Variants in SAMD4A observed in about 807,000 individuals in gnomAD.
SAMD4A encodes protein Smaug homolog 1.
SAMD4A carries 33 observed loss-of-function variants against 81.3 expected under a neutral mutation model. The ratio of observed to expected loss-of-function variants is 0.41; its 90% confidence interval spans 0.31 to 0.54. SAMD4A has a LOEUF of 0.54. Ranked by LOEUF, SAMD4A falls within the 20% of genes least tolerant of loss-of-function variation. The pLI is 0.37. For synonymous variants in SAMD4A, 389 were observed against 382.1 expected, an observed-to-expected ratio of 1.02 and a Z score of -0.21; for missense variants, 854 against 951.1, an observed-to-expected ratio of 0.90 and a Z score of 1.34.
chr14:54,746,947 G>A (rs2037983972), intron 4 of SAMD4A, among the ~76,000 whole-genome samples: 1 of 152,242 alleles, frequency 6.6e-6, no homozygotes, highest in African/African-American at 2.4e-5. Flanking sequence ...CTCTGCAGAA[G>A]CATTAGCATT....
intron 2 of SAMD4A, among the ~76,000 whole-genome samples, chr14:54,627,562 T>G (rs2034795135): frequency 6.6e-6 from 1 of 152,202 alleles, no homozygotes. Context: ...AGGAAAACAG[T>G]GGTGTGAGAC....
At chr14:54,576,571 A>G (rs746877449) in intron 2 of SAMD4A, among the ~76,000 whole-genome samples, 1 of 152,222 alleles carries the variant, frequency 6.6e-6, no homozygotes, top group African/African-American at 2.4e-5. Context: ...AGGAACCAGC[A>G]TGGTTTTGCT....
chr14:54,696,919 T>G (rs2140707235), intron 2 of SAMD4A: 1 of 152,346 alleles, frequency 6.6e-6, no homozygotes, highest in South Asian at 2.1e-4. Context: ...TTCTTGCACT[T>G]AAGTTTTCCA....
rs368232245 is a variant in SAMD4A at position 54,760,503 on chromosome 14, T to C, written c.1510+9T>C. The C allele has an allele frequency of 7.2e-7, 1 of 1,385,014 alleles. No individual in the cohort carries two copies. The highest frequency in any genetic ancestry group is 9.3e-7 in the Non-Finnish European group (1 of 1,077,714). 85.8% of individuals were successfully genotyped at this position (1,385,014 alleles called of 1,614,324 possible). On this transcript the variant is annotated intron_variant, in intron 7 of 12. Transcript: ENST00000554335. ...ACGCGTCATGGGGAAAGGTAGAGCCTCATTCGCCCATTTCTTTTTTCTTCT... is the reference window on the plus strand; with the variant it reads ...ACGCGTCATGGGGAAAGGTAGAGCCCCATTCGCCCATTTCTTTTTTCTTCT...
chr14:54,742,360 C>G (rs1016342871), intron 4 of SAMD4A, among the ~76,000 whole-genome samples: 1 of 152,046 alleles, frequency 6.6e-6, no homozygotes, highest in Non-Finnish European at 1.5e-5. Flanking sequence ...CAGCATGGGG[C>G]CTGGTGAGTG....
intron 12 of SAMD4A, among the ~76,000 whole-genome samples, chr14:54,786,899 CTG>C (rs1208180984): frequency 1.3e-4 from 20 of 152,160 alleles, no homozygotes; most frequent in Admixed American, 8.5e-4. Flanking sequence ...TTTTTTAGTG[CTG>C]TGTTTTTTCC....
chr14:54,783,439 C>G (rs1054600667), intron 11 of SAMD4A, among the ~76,000 whole-genome samples: 1 of 152,224 alleles, frequency 6.6e-6, no homozygotes, highest in African/African-American at 2.4e-5. Flanking sequence ...CAGACACTGC[C>G]TCCTGCTCAC....
At chr14:54,649,428 A>G (rs551519088) in intron 2 of SAMD4A, among the ~76,000 whole-genome samples, 3 of 152,332 alleles carry the variant, frequency 2.0e-5, no homozygotes, top group African/African-American at 7.2e-5. Context: ...CTGCAAAGCT[A>G]TCTTTCGAAG....
chr14:54,620,355 GCAT>G (rs34908548), intron 2 of SAMD4A, among the ~76,000 whole-genome samples: 70,802 of 150,926 alleles, frequency 0.47, 17,053 homozygotes, highest in East Asian at 0.74. Context: ...CCATGTTGGA[GCAT>G]CATCATCATC....
At chr14:54,714,246 T>G (rs1309652515) in intron 3 of SAMD4A, among the ~76,000 whole-genome samples, 1 of 152,162 alleles carries the variant, frequency 6.6e-6, no homozygotes, top group Non-Finnish European at 1.5e-5. Context: ...TTTAAAGGCA[T>G]TTGCAAAAAC....
Position 54,682,274 on chromosome 14 carries a change from C to A in SAMD4A, c.197-19788C>A, listed in dbSNP as rs192874946. On this transcript the variant is annotated intron_variant, in intron 2 of 12. Coordinates refer to ENST00000554335, the MANE Select transcript of SAMD4A (RefSeq NM_015589.6). ...AGCCAGAACTTGCTCAGTTCCATGTCGGCCTCCTGTCTCTTCTGTTTGATT... is the reference window on the plus strand; with the variant it reads ...AGCCAGAACTTGCTCAGTTCCATGTAGGCCTCCTGTCTCTTCTGTTTGATT... 1.7e-4 allele frequency among the ~76,000 whole-genome samples: 26 copies of A among 152,298 alleles called. No homozygotes were observed. The East Asian group carries it at 4.6e-3, about 27-fold the overall frequency.
chr14:54,757,784 C>G (rs1262419866), intron 6 of SAMD4A, among the ~76,000 whole-genome samples: 3 of 152,158 alleles, frequency 2.0e-5, no homozygotes, highest in Non-Finnish European at 4.4e-5. Context: ...AGGTCAGTGT[C>G]CCCCACAACC....
chr14:54,634,025 C>T (rs1031664395), intron 2 of SAMD4A, among the ~76,000 whole-genome samples: 3 of 151,974 alleles, frequency 2.0e-5, no homozygotes, highest in Non-Finnish European at 4.4e-5. Flanking sequence ...CAGCTGGGTG[C>T]GGTGGCTCAC....
intron 3 of SAMD4A, among the ~76,000 whole-genome samples, chr14:54,721,626 G>C (rs1340684443): frequency 1.3e-5 from 2 of 152,198 alleles, no homozygotes; most frequent in East Asian, 3.8e-4. Context: ...GTAAGGGGCT[G>C]CCTGAAGATC....
At chr14:54,723,103 G>GAA (rs5808793) in intron 3 of SAMD4A, among the ~76,000 whole-genome samples, 2 of 150,498 alleles carry the variant, frequency 1.3e-5, no homozygotes, top group African/African-American at 4.9e-5. Context: ...TTTTTAAATA[G>GAA]AAAAAAAAAA....
intron 2 of SAMD4A, among the ~76,000 whole-genome samples, chr14:54,606,614 A>T (rs1002584184): frequency 6.6e-6 from 1 of 152,188 alleles, no homozygotes; most frequent in Non-Finnish European, 1.5e-5. Context: ...AGGTCTCACC[A>T]TGTTCATTCA....
intron 2 of SAMD4A, among the ~76,000 whole-genome samples, chr14:54,590,733 C>G (rs1376375508): frequency 1.3e-5 from 2 of 152,140 alleles, no homozygotes; most frequent in African/African-American, 2.4e-5. Context: ...CAGATGTGCT[C>G]CACACATGAG....
chr14:54,575,006 T>C (rs1003649048), intron 2 of SAMD4A, among the ~76,000 whole-genome samples: 28 of 152,162 alleles, frequency 1.8e-4, no homozygotes, highest in Non-Finnish European at 2.8e-4. Context: ...TGAAAGAGAC[T>C]GTTAGAAAGG....
chr14:54,774,841 A>T, intron 9 of SAMD4A, 93 bp from the exon 10 acceptor site: 2 of 978,036 alleles, frequency 2.0e-6, no homozygotes, highest in Non-Finnish European at 3.0e-6. Flanking sequence ...AAAAATGAGG[A>T]GACCTCCAAG....
Sources: gnomAD v4.1 joint callset for allele counts (sites outside exome capture counted in the v4.1 genomes callset) on GRCh38, gnomAD v4.1.1 for gene constraint, MANE v1.5 for transcripts, NCBI Gene and HGNC (gene_info 2026-07-23, HGNC 2026-07-21) for gene names.